The following BCL7C variants were observed in gnomAD, a reference collection of about 807,000 sequenced individuals.
BCL7C encodes the protein B-cell CLL/lymphoma 7 protein family member C.
A neutral mutation model predicts 26.2 loss-of-function variants in BCL7C; 8 were observed. The observed-to-expected ratio is 0.30, with a 90% CI of 0.18 to 0.55. BCL7C has a LOEUF of 0.55. BCL7C is among the 20% of genes least tolerant of loss of function. BCL7C has a pLI of 0.93. For synonymous variants in BCL7C, 90 were observed against 116.5 expected, an observed-to-expected ratio of 0.77 and a Z score of 1.47; for missense variants, 262 against 298.5, an observed-to-expected ratio of 0.88 and a Z score of 0.90.
At chr16:30,856,389 C>G (rs1300437665) in intron 5 of BCL7C, among the ~76,000 whole-genome samples, 2 of 137,224 alleles carry the variant, frequency 1.5e-5, no homozygotes, top group African/African-American at 5.5e-5. Context: ...TGCAGTGAGT[C>G]AAGATCACAC....
At chr16:30,842,329 T>C (rs2054607664) in intron 5 of BCL7C, among the ~76,000 whole-genome samples, 1 of 152,108 alleles carries the variant, frequency 6.6e-6, no homozygotes, top group South Asian at 2.1e-4. Flanking sequence ...AGAAAATAAA[T>C]TTCTGTTGTT....
intron 5 of BCL7C, among the ~76,000 whole-genome samples, chr16:30,869,797 G>A (rs1409092929): frequency 1.3e-5 from 2 of 152,272 alleles, no homozygotes; most frequent in East Asian, 3.9e-4. Flanking sequence ...ACAGGCATGA[G>A]CCATGGTGCC....
intron 5 of BCL7C, among the ~76,000 whole-genome samples, chr16:30,857,871 T>A (rs571041774): frequency 1.3e-5 from 2 of 150,834 alleles, no homozygotes; most frequent in Non-Finnish European, 2.9e-5. Context: ...CTCGGGAGGC[T>A]GAGGCAGGAG....
At chr16:30,841,492 C>T (rs1314649514) in intron 5 of BCL7C, among the ~76,000 whole-genome samples, 3 of 152,218 alleles carry the variant, frequency 2.0e-5, no homozygotes, top group African/African-American at 7.2e-5. Context: ...CCATCACTCC[C>T]TGGCTCCGGG....
intron 5 of BCL7C, among the ~76,000 whole-genome samples, chr16:30,836,280 A>G (rs772196945): frequency 6.6e-6 from 1 of 152,038 alleles, no homozygotes; most frequent in African/African-American, 2.4e-5. Flanking sequence ...CAAAAAGCCC[A>G]GCCATAGCGA....
At chr16:30,860,553 A>G (rs999429762) in intron 5 of BCL7C, among the ~76,000 whole-genome samples, 2 of 152,188 alleles carry the variant, frequency 1.3e-5, no homozygotes, top group Non-Finnish European at 2.9e-5. Context: ...TTCTTCTGCA[A>G]TACAGCTTGA....
chr16:30,847,111 C>T, intron 5 of BCL7C, among the ~76,000 whole-genome samples: 1 of 152,220 alleles, frequency 6.6e-6, no homozygotes, highest in East Asian at 1.9e-4. Flanking sequence ...CTAAAACAAT[C>T]TCTGACTTGT....
At chr16:30,849,070 C>T (rs2054654076) in intron 5 of BCL7C, among the ~76,000 whole-genome samples, 1 of 151,588 alleles carries the variant, frequency 6.6e-6, no homozygotes, top group Non-Finnish European at 1.5e-5. Flanking sequence ...GCCTGTAGTC[C>T]CAGCTACTCG....
intron 5 of BCL7C, chr16:30,875,872 A>T (rs2143044717): frequency 6.6e-6 from 1 of 152,378 alleles, no homozygotes; most frequent in African/African-American, 2.4e-5. Context: ...GACCCCAAAG[A>T]CGAGGAAAAG....
chr16:30,854,228 G>A (rs779546014), intron 5 of BCL7C, among the ~76,000 whole-genome samples: 1 of 152,202 alleles, frequency 6.6e-6, no homozygotes, highest in Admixed American at 6.5e-5. Flanking sequence ...CCAGTAAAAG[G>A]AGGATGTATG....
chr16:30,844,643 G>A (rs1677696238), intron 5 of BCL7C, among the ~76,000 whole-genome samples: 1 of 152,146 alleles, frequency 6.6e-6, no homozygotes, highest in Non-Finnish European at 1.5e-5. Context: ...TATTTCTACT[G>A]GCTTCTTTTC....
chr16:30,845,902 C>T (rs1237648531), intron 5 of BCL7C, among the ~76,000 whole-genome samples: 2 of 151,624 alleles, frequency 1.3e-5, no homozygotes, highest in South Asian at 2.1e-4. Flanking sequence ...ATCAGGAGAT[C>T]GAGACCAGCC....
intron 5 of BCL7C, among the ~76,000 whole-genome samples, chr16:30,855,165 CTG>C (rs1308220347): frequency 6.6e-6 from 1 of 152,148 alleles, no homozygotes; most frequent in African/African-American, 2.4e-5. Flanking sequence ...AGCTATGCTT[CTG>C]TGTCTAGTCT....
At chr16:30,850,035 C>T (rs1264183859) in intron 5 of BCL7C, among the ~76,000 whole-genome samples, 4 of 151,418 alleles carry the variant, frequency 2.6e-5, no homozygotes, top group Middle Eastern at 6.8e-3. Flanking sequence ...CAGTGAAACC[C>T]CATCTCTACT....
chr16:30,847,799 A>AAAAAAC (rs1176875880), intron 5 of BCL7C, among the ~76,000 whole-genome samples: 2 of 152,126 alleles, frequency 1.3e-5, no homozygotes. Context: ...CTATCTTGAA[A>AAAAAAC]AAAAACAAAA....
rs1004262555 is a variant in BCL7C at position 30,851,562 on chromosome 16, T to C, written c.529-16414A>G. 6 of 329,884 alleles carry C rather than the reference T, an allele frequency of 1.8e-5. No individual in the cohort carries two copies. In the South Asian group the frequency reaches 3.1e-4, roughly 17 times the overall value. 20.4% of individuals were successfully genotyped at this position (329,884 alleles called of 1,614,324 possible). ...GCCTCAATATTTGAAGCGCTGGTTA[T>C]GCGATGTGTGGTTGTTGTCATGGAG... is the stretch of plus-strand genomic sequence containing the variant. On this transcript the variant is annotated intron_variant, in intron 5 of 5. Coordinates refer to the BCL7C transcript ENST00000380317.
chr16:30,889,883 G>A (rs994917973), intron 4 of BCL7C, among the ~76,000 whole-genome samples: 11 of 146,316 alleles, frequency 7.5e-5, no homozygotes, highest in African/African-American at 2.6e-4. Flanking sequence ...CCGTGATCAC[G>A]CCTCTGCATT....
At position 30,887,862 on chromosome 16, in the gene BCL7C, T is replaced by C. The variant is rs1219328966; in HGVS notation, c.*3A>G. On this transcript the variant is annotated 3_prime_UTR_variant, in exon 6 of 6. Coordinates refer to ENST00000215115, the MANE Select transcript of BCL7C (RefSeq NM_004765.4). ...GGGGCAACAGGACAGGCAGGCCGGCTTCTCAGGGGTCAGGGGCATTTGGGC... is the reference window on the plus strand; with the variant it reads ...GGGGCAACAGGACAGGCAGGCCGGCCTCTCAGGGGTCAGGGGCATTTGGGC... 2 of 1,568,268 alleles carry C rather than the reference T, an allele frequency of 1.3e-6. No individual in the cohort carries two copies. The highest frequency in any genetic ancestry group is 1.7e-6 in the Non-Finnish European group (2 of 1,162,148).
intron 5 of BCL7C, among the ~76,000 whole-genome samples, chr16:30,864,833 C>A (rs1457991054): frequency 7.7e-6 from 1 of 129,082 alleles, no homozygotes; most frequent in Non-Finnish European, 1.7e-5. Flanking sequence ...GATATATTCT[C>A]CCCCCCACCC....
Sources: gnomAD v4.1 joint callset for allele counts (sites outside exome capture counted in the v4.1 genomes callset) on GRCh38, gnomAD v4.1.1 for gene constraint, MANE v1.5 for transcripts, NCBI Gene and HGNC (gene_info 2026-07-23, HGNC 2026-07-21) for gene names.